Variants in TOX observed in about 807,000 individuals in gnomAD.
The protein encoded by TOX is thymocyte selection associated high mobility group box, also known as thymocyte selection-associated high mobility group box protein TOX.
TOX carries 11 observed loss-of-function variants against 53.7 expected under a neutral mutation model. That is an observed-to-expected ratio of 0.20 (90% CI 0.13 to 0.34). The LOEUF (loss-of-function observed/expected upper bound fraction) is 0.34, where lower values mean the gene tolerates loss of function less well. TOX is among the 10% of genes least tolerant of loss of function. The pLI is 1.00. For missense variants in TOX, 570 were observed against 664.6 expected, an observed-to-expected ratio of 0.86 and a Z score of 1.56; for synonymous variants, 225 against 245.3, an observed-to-expected ratio of 0.92 and a Z score of 0.77.
chr8:58,897,876 G>C (rs1225760758), intron 3 of TOX, among the ~76,000 whole-genome samples: 1 of 151,890 alleles, frequency 6.6e-6, no homozygotes, highest in Non-Finnish European at 1.5e-5. Flanking sequence ...GCTAGTTCTT[G>C]ATTGTGTCTA....
chr8:59,067,999 C>A (rs981689232), intron 1 of TOX, among the ~76,000 whole-genome samples: 6 of 152,116 alleles, frequency 3.9e-5, no homozygotes, highest in Non-Finnish European at 8.8e-5. Flanking sequence ...AATAAAGTAA[C>A]TTGTGAATAT....
chr8:59,058,067 T>G (rs1192313004), intron 1 of TOX, among the ~76,000 whole-genome samples: 1 of 152,228 alleles, frequency 6.6e-6, no homozygotes, highest in Non-Finnish European at 1.5e-5. Flanking sequence ...AAAAGGATTT[T>G]TGTTTAGACA....
chr8:58,924,437 C>T (rs769130362), intron 3 of TOX, among the ~76,000 whole-genome samples: 1 of 152,206 alleles, frequency 6.6e-6, no homozygotes, highest in Non-Finnish European at 1.5e-5. Flanking sequence ...GAACCCATAA[C>T]CAGATCTATT....
chr8:59,011,470 G>T (rs149302872), intron 1 of TOX, among the ~76,000 whole-genome samples: 2 of 152,242 alleles, frequency 1.3e-5, no homozygotes, highest in East Asian at 3.9e-4. Flanking sequence ...TTTGAGAGAG[G>T]CCTAAGCCTC....
intron 1 of TOX, among the ~76,000 whole-genome samples, chr8:59,016,678 C>T (rs182028429): frequency 1.3e-5 from 2 of 152,246 alleles, no homozygotes; most frequent in East Asian, 3.9e-4. Flanking sequence ...TGATCAAAAT[C>T]ACAAAGCAAA....
intron 1 of TOX, among the ~76,000 whole-genome samples, chr8:59,095,792 C>T (rs73256380): frequency 0.011 from 1,741 of 152,304 alleles, 47 homozygotes; most frequent in African/African-American, 0.039. Flanking sequence ...CAGTTTTCAC[C>T]TAGCCAATGA....
intron 1 of TOX, among the ~76,000 whole-genome samples, chr8:58,964,072 GAAC>G (rs1437754565): frequency 2.0e-5 from 3 of 151,754 alleles, no homozygotes; most frequent in African/African-American, 4.8e-5. Context: ...CCCTTAAAGA[GAAC>G]AACAACGACA....
At chr8:58,960,054 T>C in intron 1 of TOX, 46 bp from the exon 2 acceptor site, 2 of 1,601,120 alleles carry the variant, frequency 1.2e-6, no homozygotes, top group South Asian at 2.2e-5. Flanking sequence ...TGACTGCGGG[T>C]ATGTTTGGTT....
chr8:59,104,210 A>C (rs1026288459), intron 1 of TOX, among the ~76,000 whole-genome samples: 1 of 152,152 alleles, frequency 6.6e-6, no homozygotes, highest in Non-Finnish European at 1.5e-5. Flanking sequence ...CCAGCACATT[A>C]TCTCTACATT....
chr8:59,057,516 G>C (rs894426350), intron 1 of TOX, among the ~76,000 whole-genome samples: 2 of 152,136 alleles, frequency 1.3e-5, no homozygotes, highest in African/African-American at 4.8e-5. Flanking sequence ...AAACACCTAA[G>C]GATTAGAGAT....
At chr8:58,853,014 C>T (rs1341544025) in intron 3 of TOX, among the ~76,000 whole-genome samples, 1 of 152,104 alleles carries the variant, frequency 6.6e-6, no homozygotes, top group East Asian at 1.9e-4. Flanking sequence ...TCATTTTACA[C>T]CATTTTCCCT....
chr8:58,858,987 T>C (rs1028148230), intron 3 of TOX, among the ~76,000 whole-genome samples: 1 of 152,218 alleles, frequency 6.6e-6, no homozygotes, highest in African/African-American at 2.4e-5. Context: ...AATATGTAAA[T>C]GTATACAACA....
At chr8:58,887,820 T>A (rs577474209) in intron 3 of TOX, among the ~76,000 whole-genome samples, 10 of 152,192 alleles carry the variant, frequency 6.6e-5, no homozygotes, top group Non-Finnish European at 1.0e-4. Context: ...ACTTGATCAA[T>A]GTTAAGTATT....
intron 1 of TOX, among the ~76,000 whole-genome samples, chr8:59,023,435 C>T (rs778040958): frequency 7.2e-6 from 1 of 138,324 alleles, no homozygotes; most frequent in Non-Finnish European, 1.6e-5. Context: ...CTGAATTTTA[C>T]AGTTGGAGAA....
At chr8:59,005,187 C>T (rs1375214676) in intron 1 of TOX, among the ~76,000 whole-genome samples, 2 of 151,944 alleles carry the variant, frequency 1.3e-5, no homozygotes, top group Non-Finnish European at 2.9e-5. Context: ...TACAGGTGCC[C>T]GCCACCAAGC....
chr8:58,982,384 C>T (rs1276155606), intron 1 of TOX, among the ~76,000 whole-genome samples: 1 of 152,196 alleles, frequency 6.6e-6, no homozygotes, highest in Non-Finnish European at 1.5e-5. Context: ...GGGAGGATTA[C>T]TCTGCCTATC....
chr8:58,878,938 G>A (rs1486496874), intron 3 of TOX, among the ~76,000 whole-genome samples: 1 of 151,834 alleles, frequency 6.6e-6, no homozygotes, highest in East Asian at 1.9e-4. Flanking sequence ...GCGCAAACCT[G>A]TAGTCCCAGC....
intron 1 of TOX, among the ~76,000 whole-genome samples, chr8:59,114,358 TA>T (rs1249629958): frequency 6.6e-6 from 1 of 152,204 alleles, no homozygotes; most frequent in Non-Finnish European, 1.5e-5. Flanking sequence ...CATAGACATT[TA>T]AAATTGAATT....
chr8:58,935,996 C>A, intron 3 of TOX, among the ~76,000 whole-genome samples: 1 of 152,308 alleles, frequency 6.6e-6, no homozygotes, highest in South Asian at 2.1e-4. Context: ...ATTGGGATAA[C>A]GGGCGCCAGC....
Sources: gnomAD v4.1 joint callset for allele counts (sites outside exome capture counted in the v4.1 genomes callset) on GRCh38, gnomAD v4.1.1 for gene constraint, MANE v1.5 for transcripts, NCBI Gene and HGNC (gene_info 2026-07-23, HGNC 2026-07-21) for gene names.